Variants in GATA4 observed in about 807,000 individuals in gnomAD.
The protein encoded by GATA4 is transcription factor GATA-4.
GATA4 carries 7 observed loss-of-function variants against 37.9 expected under a neutral mutation model. That is an observed-to-expected ratio of 0.18 (90% CI 0.11 to 0.35). The LOEUF is 0.35. GATA4 is among the 10% of genes least tolerant of loss of function. The pLI is 1.00. For synonymous variants in GATA4, 372 were observed against 292.6 expected (o/e 1.27, Z -2.77); for missense variants, 647 against 653.0 (o/e 0.99, Z 0.10).
At chr8:11,718,007 C>G (rs1040605524) in intron 2 of GATA4, among the ~76,000 whole-genome samples, 2 of 152,224 alleles carry the variant, frequency 1.3e-5, no homozygotes, top group Admixed American at 1.3e-4. Flanking sequence ...AATCCCTTTC[C>G]TAAGAGAAAT....
chr8:11,692,992 G>A (rs1365515949), intron 1 of GATA4: 1 of 985,276 alleles, frequency 1.0e-6, no homozygotes, highest in Non-Finnish European at 1.2e-6. Flanking sequence ...CATCACCCGG[G>A]CTGCACCCCC....
At chr8:11,744,161 C>G (rs959000595) in intron 2 of GATA4, among the ~76,000 whole-genome samples, 2 of 152,008 alleles carry the variant, frequency 1.3e-5, no homozygotes, top group African/African-American at 4.8e-5. Flanking sequence ...CCCCAGTCTC[C>G]TAGCTCTTTT....
At chr8:11,694,107 C>T (rs1450226229) in intron 1 of GATA4, among the ~76,000 whole-genome samples, 3 of 152,204 alleles carry the variant, frequency 2.0e-5, no homozygotes, top group Non-Finnish European at 4.4e-5. Flanking sequence ...AGCGCTCACT[C>T]CTGCTCCTGT....
chr8:11,704,908 A>G (rs117059721), intron 1 of GATA4, among the ~76,000 whole-genome samples: 5,034 of 152,266 alleles, frequency 0.033, 140 homozygotes, highest in Non-Finnish European at 0.056. Flanking sequence ...GCTCCTCTGG[A>G]AGCTCACCAC....
chr8:11,713,540 A>G (rs921907619), intron 2 of GATA4, among the ~76,000 whole-genome samples: 1 of 152,034 alleles, frequency 6.6e-6, no homozygotes, highest in African/African-American at 2.4e-5. Flanking sequence ...TGGAAACTTC[A>G]GGGAACCACT....
intron 1 of GATA4, among the ~76,000 whole-genome samples, chr8:11,683,670 A>T (rs1799049101): frequency 6.6e-6 from 1 of 152,228 alleles, no homozygotes; most frequent in Non-Finnish European, 1.5e-5. Flanking sequence ...CTAAAGCCGG[A>T]GACTGGGGCG....
intron 1 of GATA4, among the ~76,000 whole-genome samples, chr8:11,696,412 G>A (rs925809049): frequency 7.2e-5 from 7 of 97,520 alleles, no homozygotes; most frequent in Non-Finnish European, 1.4e-4. Flanking sequence ...GAATGCATTC[G>A]AGATTCATTA....
At chr8:11,722,897 A>G (rs1004349891) in intron 2 of GATA4, among the ~76,000 whole-genome samples, 3 of 152,338 alleles carry the variant, frequency 2.0e-5, no homozygotes, top group Admixed American at 6.5e-5. Context: ...AGCTTATTGA[A>G]TATTTGGTTA....
intron 1 of GATA4, chr8:11,692,928 C>T: frequency 1.0e-6 from 1 of 984,722 alleles, no homozygotes. Flanking sequence ...CCGCGGCGGC[C>T]GTCAGCGCGC....
At chr8:11,689,753 C>A (rs116170345), upstream of GATA4, among the ~76,000 whole-genome samples, 1,181 of 152,312 alleles carry the variant, frequency 7.8e-3, 10 homozygotes, top group African/African-American at 0.026. Flanking sequence ...TGGGCAGCAG[C>A]TCTAACCAGG....
chr8:11,723,907 C>G (rs925985340), intron 2 of GATA4, among the ~76,000 whole-genome samples: 1 of 152,178 alleles, frequency 6.6e-6, no homozygotes, highest in East Asian at 1.9e-4. Context: ...ACCATCACCC[C>G]CAGCAGTCTC....
rs1400343237 is a variant in GATA4 at position 11,709,660 on chromosome 8, A to C, written c.616+732A>C. ...TGTTCATGACACCCGAGTTAAATGG[A>C]GACTTTGCAGTCGCTTGCACGCGTG... On this transcript the variant is annotated intron_variant, in intron 2 of 6. Transcript: ENST00000532059. The surrounding 1 kb of genome is among the most constrained non-coding windows in gnomAD (Gnocchi z 4.3). Among the ~76,000 whole-genome samples the C allele has an allele frequency of 6.6e-6, 1 of 150,810 alleles. No homozygotes were observed. Among genetic ancestry groups the C allele is most frequent in the Admixed American group, 6.6e-5 (1 of 15,164 alleles).
intron 2 of GATA4, among the ~76,000 whole-genome samples, chr8:11,725,783 T>G (rs758788884): frequency 1.3e-5 from 2 of 152,190 alleles, no homozygotes. Flanking sequence ...CATCTGGTAC[T>G]GATGGCCTCA....
upstream of GATA4, chr8:11,692,422 C>G (rs1187354139): frequency 1.3e-6 from 1 of 774,962 alleles, no homozygotes; most frequent in Non-Finnish European, 1.6e-6. Context: ...CTCTACCTAT[C>G]TTATCTATCA....
chr8:11,705,321 C>T (rs1231659426), intron 1 of GATA4, among the ~76,000 whole-genome samples: 7 of 152,202 alleles, frequency 4.6e-5, no homozygotes, highest in Non-Finnish European at 8.8e-5. Context: ...TGTGTCTCCT[C>T]CCCTGCTGCG....
chr8:11,746,320 T>C (rs957010982), intron 2 of GATA4, among the ~76,000 whole-genome samples: 5 of 151,946 alleles, frequency 3.3e-5, no homozygotes, highest in Admixed American at 1.3e-4. Flanking sequence ...CAGTGAGCTG[T>C]GATTGCACCA....
intron 1 of GATA4, chr8:11,694,506 C>T (rs1326345828): frequency 4.1e-6 from 4 of 985,318 alleles, no homozygotes; most frequent in East Asian, 1.1e-4. Context: ...ACTTCTTTCC[C>T]TTGCCACCTT....
intron 2 of GATA4, among the ~76,000 whole-genome samples, chr8:11,746,254 A>G (rs964058911): frequency 6.6e-6 from 1 of 152,008 alleles, no homozygotes; most frequent in Non-Finnish European, 1.5e-5. Flanking sequence ...AAAAAGATAG[A>G]AAAAGTAAAA....
intron 2 of GATA4, among the ~76,000 whole-genome samples, chr8:11,716,570 GGTCTCAGT>G (rs1311347048): frequency 6.6e-6 from 1 of 152,146 alleles, no homozygotes; most frequent in Non-Finnish European, 1.5e-5. Flanking sequence ...CTCTACTCCT[GGTCTCAGT>G]GCTGGTAGTG....
Sources: gnomAD v4.1 joint callset for allele counts (sites outside exome capture counted in the v4.1 genomes callset) on GRCh38, gnomAD v4.1.1 for gene constraint, Gnocchi (gnomAD v3.1) non-coding constraint, MANE v1.5 for transcripts, NCBI Gene and HGNC (gene_info 2026-07-23, HGNC 2026-07-21) for gene names.